Variants in ZNF567 observed in about 807,000 individuals in gnomAD.
The protein encoded by ZNF567 is zinc finger protein 567.
A neutral mutation model predicts 53.9 loss-of-function variants in ZNF567; 36 were observed. The ratio of observed to expected loss-of-function variants is 0.67; its 90% CI spans 0.51 to 0.88. ZNF567 has a LOEUF of 0.88. Among genes scored for constraint, ZNF567 ranks in the 40% least tolerant of loss-of-function variants. The probability of loss-of-function intolerance (pLI) is 0.00; values close to 1 mark genes in which losing one functional copy is unlikely to be tolerated. For missense variants in ZNF567, 619 were observed against 764.7 expected (o/e 0.81, Z 2.25); for synonymous variants, 224 against 260.4 (o/e 0.86, Z 1.35).
At chr19:36,667,990 C>T in the ZNF567 span, 1 of 152,166 alleles carries the variant, frequency 6.6e-6, no homozygotes, top group South Asian at 2.1e-4. Context: ...CCCAGGCTGA[C>T]TGCGGTGGCG....
At chr19:36,692,348 A>G (rs56017514) in intron 2 of ZNF567, among the ~76,000 whole-genome samples, 13,862 of 152,202 alleles carry the variant, frequency 0.091, 865 homozygotes, top group Non-Finnish European at 0.13. Context: ...AAGTTGGTGC[A>G]TTGTGTAATG....
At chr19:36,679,769 A>C in the ZNF567 span, among the ~76,000 whole-genome samples, 2 of 152,026 alleles carry the variant, frequency 1.3e-5, no homozygotes, top group Admixed American at 6.6e-5. Context: ...TGTGGAATCT[A>C]AAAAGTTGAA....
At chr19:36,691,035 A>T (rs538161458) in intron 2 of ZNF567, among the ~76,000 whole-genome samples, 1 of 152,368 alleles carries the variant, frequency 6.6e-6, no homozygotes, top group East Asian at 1.9e-4. Context: ...CAAGAGAAGG[A>T]AACTGGTTGG....
upstream of ZNF567, among the ~76,000 whole-genome samples, chr19:36,686,969 G>A (rs991634265): frequency 6.6e-6 from 1 of 152,116 alleles, no homozygotes; most frequent in East Asian, 1.9e-4. Flanking sequence ...GACAACGCGG[G>A]CCATGCTTCA....
chr19:36,698,713 TAAATGTCTTCTTTTGA>T (rs2038675000), intron 3 of ZNF567, among the ~76,000 whole-genome samples: 1 of 152,094 alleles, frequency 6.6e-6, no homozygotes, highest in South Asian at 2.1e-4. Context: ...TTTGGCTGCA[TAAATGTCTTCTTTTGA>T]GAAGTGTCTG....
the ZNF567 span, chr19:36,668,644 T>G: frequency 6.6e-6 from 1 of 152,110 alleles, no homozygotes; most frequent in African/African-American, 2.4e-5. Flanking sequence ...TGTGTGAGAG[T>G]CCAGAGCCGA....
chr19:36,712,159 G>C, intron 3 of ZNF567: 2 of 405,812 alleles, frequency 4.9e-6, no homozygotes, highest in South Asian at 4.4e-5. Flanking sequence ...CTATTCTCCT[G>C]CCTCAGCCTC....
chr19:36,690,721 G>A (rs1276529898), intron 2 of ZNF567, among the ~76,000 whole-genome samples: 1 of 152,174 alleles, frequency 6.6e-6, no homozygotes, highest in Admixed American at 6.5e-5. Flanking sequence ...AAATTAGGTT[G>A]TGGATGATTG....
intron 3 of ZNF567, among the ~76,000 whole-genome samples, chr19:36,708,004 C>T (rs1366619968): frequency 6.6e-6 from 1 of 151,824 alleles, no homozygotes; most frequent in Non-Finnish European, 1.5e-5. Context: ...CAAGCGATCC[C>T]CCCACCTCAG....
the ZNF567 span, among the ~76,000 whole-genome samples, chr19:36,679,009 G>A: frequency 6.6e-6 from 1 of 151,906 alleles, no homozygotes; most frequent in Admixed American, 6.6e-5. Context: ...ATGAGGGGCC[G>A]AGCGCGGTGG....
At chr19:36,701,558 C>CTA (rs1314684416) in intron 3 of ZNF567, among the ~76,000 whole-genome samples, 3 of 152,102 alleles carry the variant, frequency 2.0e-5, no homozygotes, top group Admixed American at 6.6e-5. Context: ...GTGTGGGAGT[C>CTA]TAAGTCTCTT....
At chr19:36,673,687 CACAG>C in the ZNF567 span, among the ~76,000 whole-genome samples, 1 of 151,898 alleles carries the variant, frequency 6.6e-6, no homozygotes. Context: ...TACACACAGA[CACAG>C]ACACAGACAC....
At chr19:36,672,899 G>A in the ZNF567 span, among the ~76,000 whole-genome samples, 1 of 152,190 alleles carries the variant, frequency 6.6e-6, no homozygotes, top group Non-Finnish European at 1.5e-5. Flanking sequence ...GATAATGGAA[G>A]AAGGTAGGTA....
rs1411729672 is a variant in ZNF567 at position 36,720,531 on chromosome 19, A to G, written c.1807A>G (p.Asn603Asp). 6.2e-7 allele frequency: 1 copy of G among 1,613,956 alleles called. No individual in the cohort carries two copies. Among genetic ancestry groups the G allele is most frequent in the Non-Finnish European group, 8.5e-7 (1 of 1,180,000 alleles). The change falls in exon 6 of 6, where the codon AAT (asparagine) becomes GAT (aspartate). Residue 603 changes from asparagine (N) to aspartate (D), a missense_variant. Asn to Asp is a conservative substitution (Grantham distance 23). Transcript: ENST00000682579. ...TGGAAAGTGCTTCCGCCAGAAGACA[A>G]ATCTTATTGTACATCAGAGAACTCA... The part of the protein sequence containing the change: ...ECGKCFRQKT[N>D]LIVHQRTHTG...
intron 2 of ZNF567, among the ~76,000 whole-genome samples, chr19:36,690,934 A>T (rs912434185): frequency 6.6e-6 from 1 of 152,226 alleles, no homozygotes; most frequent in Non-Finnish European, 1.5e-5. Flanking sequence ...AATAGGACCT[A>T]CCTCACTCAG....
At chr19:36,705,496 T>A (rs2039444987) in intron 3 of ZNF567, among the ~76,000 whole-genome samples, 1 of 152,200 alleles carries the variant, frequency 6.6e-6, no homozygotes, top group South Asian at 2.1e-4. Context: ...CCAAATAGCT[T>A]CCTGTAACTG....
rs766979390 is a variant in ZNF567 at position 36,712,789 on chromosome 19, A to G, written c.145A>G (p.Met49Val). 7 of 1,613,674 alleles carry G rather than the reference A, an allele frequency of 4.3e-6. No individual in the cohort carries two copies. The highest frequency in any genetic ancestry group is 1.1e-5 in the South Asian group (1 of 90,990). Residue 49 changes from methionine to valine, a missense_variant, in exon 5 of 6, where the codon ATG becomes GTG. By Grantham distance (21) the Met-to-Val change is conservative. Transcript: ENST00000682579. ...TTTTTTTCACTTTTCAGGGTGTCAC[A>G]TGACCAAACCTGATGTGATCCTCAA... ...YCHLISVGCH[M>V]TKPDVILKLE...
rs1266370996 is a variant in ZNF567 at position 36,720,084 on chromosome 19, T to A, written c.1360T>A (p.Cys454Ser). Residue 454 changes from cysteine to serine, a missense_variant, in exon 6 of 6, where the codon TGT (cysteine) becomes AGT (serine). Cys to Ser is a moderately radical substitution (Grantham distance 112, BLOSUM62 -1). Transcript: ENST00000682579. ...NEEKPYICSE[C>S]GKSFRQKTTL... ...GGAGAAACCCTATATTTGTAGTGAATGTGGAAAGTCCTTCCGCCAGAAGAC... is the reference window on the plus strand; with the variant it reads ...GGAGAAACCCTATATTTGTAGTGAAAGTGGAAAGTCCTTCCGCCAGAAGAC... 1 of 1,614,134 alleles carries A rather than the reference T, an allele frequency of 6.2e-7. No homozygotes were observed. Among genetic ancestry groups the A allele is most frequent in the South Asian group, 1.1e-5 (1 of 91,080 alleles).
At position 36,719,830 on chromosome 19, in the gene ZNF567, A is replaced by C. The variant is rs1021532117; in HGVS notation, c.1106A>C (p.Asp369Ala). The stretch of plus-strand genomic sequence containing the variant: ...GGAGAGAAACCATATGAGTGTAATG[A>C]CTGTGGGAAGTCCTTCCGCCAGAAG... ...HTGEKPYECN[D>A]CGKSFRQKTT... is the part of the protein sequence containing the mutation. The change falls in exon 6 of 6, where the codon GAC becomes GCC. Residue 369 changes from aspartate (D) to alanine (A), a missense_variant. Physicochemically the swap from Asp to Ala is moderately radical, Grantham distance 126. Coordinates refer to ENST00000682579, the MANE Select transcript of ZNF567 (RefSeq NM_001322917.1). The C allele has an allele frequency of 1.9e-6, 3 of 1,614,182 alleles. No homozygotes were observed. The highest frequency in any genetic ancestry group is 1.3e-5 in the African/African-American group (1 of 75,056).
Sources: allele counts gnomAD v4.1 joint callset (sites outside exome capture counted in the v4.1 genomes callset), GRCh38; gene constraint gnomAD v4.1.1; transcripts MANE v1.5; gene names NCBI Gene and HGNC (gene_info 2026-07-23, HGNC 2026-07-21).